Variants in ARSD observed in about 807,000 individuals in gnomAD.
The protein encoded by ARSD is testis tissue sperm-binding protein Li 39a.
ARSD carries 21 observed loss-of-function variants against 32.6 expected under a neutral mutation model. That is an observed-to-expected ratio of 0.64 (90% CI 0.46 to 0.93). The LOEUF (loss-of-function observed/expected upper bound fraction) is 0.93. ARSD is among the 40% of genes least tolerant of loss of function. ARSD has a pLI of 0.00. For missense variants in ARSD, 454 were observed against 520.9 expected, an observed-to-expected ratio of 0.87 and a Z score of 1.25; for synonymous variants, 224 against 237.4, an observed-to-expected ratio of 0.94 and a Z score of 0.52.
At chrX:2,916,292 C>T (rs1296867514) in intron 5 of ARSD, among the ~76,000 whole-genome samples, 1 of 110,337 alleles carries the variant, frequency 9.1e-6, no homozygotes, top group East Asian at 2.8e-4. Context: ...GATTTCAAGA[C>T]CAGCCTGGCC....
intron 4 of ARSD, chrX:2,920,255 A>G (rs2147324159): frequency 4.5e-6 from 1 of 223,618 alleles, no homozygotes; most frequent in Non-Finnish European, 8.0e-6. Flanking sequence ...ATTTAAGAAG[A>G]AAAAAAAACT....
intron 7 of ARSD, 146 bp downstream of exon 7, chrX:2,910,513 T>G (rs2088893327): frequency 8.6e-6 from 7 of 818,236 alleles, no homozygotes; most frequent in Admixed American, 4.8e-5. Flanking sequence ...GTCCTGCTCA[T>G]CTAGGTAGAA....
Position 2,904,922 on chromosome X carries a change from A to G in ARSD, c.*2349T>C. On this transcript the variant is annotated 3_prime_UTR_variant, in exon 10 of 10. Transcript: ENST00000381154. ...ATGTTTCTTTTTTTTTTTTTTTTTA[A>G]TCATTTTTTGGTTATGCCAGGTGTC... The G allele has an allele frequency of 9.3e-6, 2 of 215,382 alleles. No homozygotes were observed. Among genetic ancestry groups the G allele is most frequent in the South Asian group, 5.1e-5 (1 of 19,499 alleles). The allele number at this position is 215,382 out of a possible 1,213,427, so 17.7% of individuals were successfully genotyped here.
At chrX:2,911,669 C>CAA (rs1289160928) in intron 6 of ARSD, among the ~76,000 whole-genome samples, 9 of 28,600 alleles carry the variant, frequency 3.1e-4, no homozygotes, top group African/African-American at 8.4e-4. Flanking sequence ...GACTCCATCT[C>CAA]AAAAAAAAAA....
chrX:2,915,756 C>G (rs1326319789), intron 5 of ARSD, 64 bp from the exon 6 acceptor site: 1 of 1,077,022 alleles, frequency 9.3e-7, no homozygotes, highest in Non-Finnish European at 1.3e-6. Context: ...GACCCCTGCA[C>G]CCATACGTTC....
rs1363552527 is a variant in ARSD at position 2,914,799 on chromosome X, G to A, written c.1000+757C>T. On this transcript the variant is annotated intron_variant, in intron 6 of 9. Transcript: ENST00000381154. ...CTGTGTAGAAGGTTGATTTTGTGCA[G>A]AATTAGACCAAGTAATTGGGAATAC... The A allele has an allele frequency of 6.9e-6, 7 of 1,019,689 alleles. No homozygotes were observed. In the African/African-American group the frequency reaches 1.4e-4, roughly 20 times the overall value. The allele number at this position is 1,019,689 out of a possible 1,213,427, so 84.0% of individuals were successfully genotyped here. A position where few individuals can be genotyped will look rare whatever the true frequency, so the allele number is the denominator to read the frequency against.
intron 2 of ARSD, among the ~76,000 whole-genome samples, chrX:2,922,383 G>A (rs1015003749): frequency 1.8e-5 from 2 of 110,840 alleles, no homozygotes; most frequent in African/African-American, 6.6e-5. Flanking sequence ...TGGTGAGGGT[G>A]TGGGGCCGAG....
chrX:2,907,775 ACAGC>A lies in ARSD; in HGVS notation c.1421-147_1421-144del, dbSNP rs763403443. The A allele has an allele frequency of 5.8e-6, 6 of 1,037,688 alleles. No individual in the cohort carries two copies. In the Admixed American group the frequency reaches 2.8e-4, roughly 49 times the overall value. 85.5% of individuals were successfully genotyped at this position (1,037,688 alleles called of 1,213,427 possible). Reference sequence around the variant, plus strand: ...GGGACACGAGGCAGTCCACACAATCACAGCCTTCAGCTTGCAAAGTCAGAGCATG... The same window carrying A: ...GGGACACGAGGCAGTCCACACAATCACTTCAGCTTGCAAAGTCAGAGCATG... On this transcript the variant is annotated intron_variant, in intron 9 of 9. Coordinates refer to ENST00000381154, the MANE Select transcript of ARSD (RefSeq NM_001669.4).
At chrX:2,915,436 T>G in intron 6 of ARSD, 120 bp downstream of exon 6, 56 of 1,048,249 alleles carry the variant, frequency 5.3e-5, no homozygotes, top group Non-Finnish European at 6.5e-5. Flanking sequence ...ATTACAGGCG[T>G]GAGCCACCGC....
At chrX:2,918,575 C>T (rs2088997530) in intron 4 of ARSD, among the ~76,000 whole-genome samples, 1 of 110,056 alleles carries the variant, frequency 9.1e-6, no homozygotes, top group African/African-American at 3.3e-5. Context: ...ACGGTGAAAC[C>T]CCGTCCCTAC....
At chrX:2,923,221 C>T (rs1366999642) in intron 2 of ARSD, 1 of 250,053 alleles carries the variant, frequency 4.0e-6, no homozygotes, top group Non-Finnish European at 7.7e-6. Context: ...CGCCTGTCAT[C>T]CCAGCACTTT....
At chrX:2,912,778 C>G (rs1211726325) in intron 6 of ARSD, among the ~76,000 whole-genome samples, 1 of 111,684 alleles carries the variant, frequency 9.0e-6, no homozygotes, top group Admixed American at 9.6e-5. Flanking sequence ...TAACTAGCAT[C>G]TATGGGCATT....
chrX:2,925,348 G>C (rs2089072417), intron 2 of ARSD, among the ~76,000 whole-genome samples: 1 of 112,682 alleles, frequency 8.9e-6, no homozygotes, highest in Non-Finnish European at 1.9e-5. Context: ...AGGGAGCCCG[G>C]CCCTGCCCAC....
Position 2,907,450 on chromosome X carries a change from GCTCGGAGTCGGGGGTCAGGGGCCGTGC to G in ARSD, c.1576_1602del (p.Ala526_Glu534del), listed in dbSNP as rs2088860934. 2 of 1,209,152 alleles carry G rather than the reference GCTCGGAGTCGGGGGTCAGGGGCCGTGC, an allele frequency of 1.7e-6. No individual in the cohort carries two copies. Among genetic ancestry groups the G allele is most frequent in the African/African-American group, 1.7e-5 (1 of 57,447 alleles). On this transcript the variant is annotated inframe_deletion, in exon 10 of 10. Coordinates refer to ENST00000381154, the MANE Select transcript of ARSD (RefSeq NM_001669.4). The stretch of plus-strand genomic sequence containing the variant: ...CTTGCTATCACGGCGTGGTACAGGG[GCTCGGAGTCGGGGGTCAGGGGCCGTGC>G]CTCGGAGGGGTCCCTGGAGAGGTCA...
intron 6 of ARSD, chrX:2,914,748 T>G (rs769725558): frequency 9.7e-7 from 1 of 1,027,500 alleles, no homozygotes; most frequent in Non-Finnish European, 1.3e-6. Context: ...TTTCGGTAAC[T>G]TCTGATGATG....
Position 2,904,211 on chromosome X carries a change from GC to G in ARSD, c.*3059del, listed in dbSNP as rs1325254674. 9.0e-6 allele frequency: 1 copy of G among 111,336 alleles called. No individual in the cohort carries two copies. The highest frequency in any genetic ancestry group is 1.9e-5 in the Non-Finnish European group (1 of 53,097). The allele number at this position is 111,336 out of a possible 1,213,427, so 9.2% of individuals were successfully genotyped here. Reference sequence around the variant, plus strand: ...ACACCTCATGGCTCTGGGAAGGCATGCTGAGACCCGTTTTTGCAAGTCCTGA... The same window carrying G: ...ACACCTCATGGCTCTGGGAAGGCATGTGAGACCCGTTTTTGCAAGTCCTGA... On this transcript the variant is annotated 3_prime_UTR_variant, in exon 10 of 10. Transcript: ENST00000381154.
chrX:2,910,314 T>C (rs907677771), intron 7 of ARSD, among the ~76,000 whole-genome samples: 26 of 87,796 alleles, frequency 3.0e-4, no homozygotes, highest in Non-Finnish European at 4.5e-4. Flanking sequence ...TTAAAATATG[T>C]ATTATTATGC....
chrX:2,917,822 G>T lies in ARSD; in HGVS notation c.845C>A (p.Ala282Asp), dbSNP rs78034736. The T allele has an allele frequency of 1.7e-5, 20 of 1,206,998 alleles. No individual in the cohort carries two copies. The highest frequency in any genetic ancestry group is 6.6e-5 in the Admixed American group (3 of 45,580). The change falls in exon 5 of 10, where the codon GCT (alanine) becomes GAT (aspartate). Residue 282 changes from alanine (A) to aspartate (D), a missense_variant. By Grantham distance (126) the Ala-to-Asp change is moderately radical (BLOSUM62 -2). This residue lies in a region of ARSD where 271 missense variants were observed against 301.0 expected (regional missense o/e 0.90). Coordinates refer to ENST00000381154, the MANE Select transcript of ARSD (RefSeq NM_001669.4). ...EKTASLMLKE[A>D]VSYIERHKHG... Reference sequence around the variant, plus strand: ...TGCTTACCTTTCAATATAGGAAACAGCTTCCTTTAGCATAAGACTCGCTGT... The same window carrying T: ...TGCTTACCTTTCAATATAGGAAACATCTTCCTTTAGCATAAGACTCGCTGT...
rs2088856291 is a variant in ARSD at position 2,907,031 on chromosome X, C to T, written c.*240G>A. 4 of 302,511 alleles carry T rather than the reference C, an allele frequency of 1.3e-5. No homozygotes were observed. Among genetic ancestry groups the T allele is most frequent in the African/African-American group, 5.4e-5 (2 of 36,857 alleles). 24.9% of individuals were successfully genotyped at this position (302,511 alleles called of 1,213,427 possible). A position where few individuals can be genotyped will look rare whatever the true frequency, so the allele number is the denominator to read the frequency against. On this transcript the variant is annotated 3_prime_UTR_variant, in exon 10 of 10. Coordinates refer to ENST00000381154, the MANE Select transcript of ARSD (RefSeq NM_001669.4). ...ACTCAGGAGGCTGAGGCAGGAAAAT[C>T]GCTTGAACCCGGGAGGCGGAGGTTG... is the stretch of plus-strand genomic sequence containing the variant.
Sources: allele counts gnomAD v4.1 joint callset (sites outside exome capture counted in the v4.1 genomes callset), GRCh38; gene constraint gnomAD v4.1.1; regional missense constraint gnomAD v4.1.1; transcripts MANE v1.5; gene names NCBI Gene and HGNC (gene_info 2026-07-23, HGNC 2026-07-21).